The following RNF38 variants were observed in gnomAD, a reference collection of about 807,000 sequenced individuals.
The protein encoded by RNF38 is E3 ubiquitin-protein ligase RNF38.
In RNF38, 15 loss-of-function variants were observed where a neutral mutation model predicts 67.2. The observed-to-expected ratio is 0.22, with a 90% CI of 0.15 to 0.34. RNF38 has a LOEUF of 0.34. RNF38 is among the 10% of genes least tolerant of loss of function. The pLI, the probability that RNF38 is intolerant of heterozygous loss-of-function variation, is 1.00. For missense variants in RNF38, 524 were observed against 639.9 expected, an observed-to-expected ratio of 0.82 and a Z score of 1.95; for synonymous variants, 220 against 218.8, an observed-to-expected ratio of 1.01 and a Z score of -0.05.
At chr9:36,419,543 A>T (rs1838564152) in intron 2 of RNF38, among the ~76,000 whole-genome samples, 1 of 152,248 alleles carries the variant, frequency 6.6e-6, no homozygotes, top group Non-Finnish European at 1.5e-5. Context: ...GAATAGTCTT[A>T]TCAAATTCTT....
intron 1 of RNF38, among the ~76,000 whole-genome samples, chr9:36,449,956 G>A (rs1839396963): frequency 6.6e-6 from 1 of 152,132 alleles, no homozygotes; most frequent in South Asian, 2.1e-4. Context: ...AAAATACATA[G>A]TATTGACAAA....
intron 1 of RNF38, among the ~76,000 whole-genome samples, chr9:36,469,390 T>A (rs902711397): frequency 3.3e-5 from 5 of 152,108 alleles, no homozygotes; most frequent in African/African-American, 1.2e-4. Context: ...CCAGGCACAG[T>A]GGCTCACACC....
intron 1 of RNF38, among the ~76,000 whole-genome samples, chr9:36,464,532 C>CT (rs780088702): frequency 9.3e-5 from 14 of 151,042 alleles, no homozygotes; most frequent in Non-Finnish European, 1.8e-4. Context: ...GATCGCGCCA[C>CT]TGTACTCCAG....
chr9:36,379,886 C>T (rs1326557640), intron 2 of RNF38, among the ~76,000 whole-genome samples: 1 of 152,122 alleles, frequency 6.6e-6, no homozygotes, highest in African/African-American at 2.4e-5. Context: ...TTCATCTGAC[C>T]TTGTCATCTA....
intron 1 of RNF38, among the ~76,000 whole-genome samples, chr9:36,395,697 G>A (rs1837463383): frequency 6.6e-6 from 1 of 152,152 alleles, no homozygotes; most frequent in South Asian, 2.1e-4. Context: ...TATTTAAACT[G>A]ACAAATTATC....
chr9:36,389,137 A>G (rs963452171), intron 2 of RNF38, among the ~76,000 whole-genome samples: 49 of 152,272 alleles, frequency 3.2e-4, no homozygotes, highest in Non-Finnish European at 6.8e-4. Context: ...TTCAAGGAAA[A>G]TAAGGCTTAA....
chr9:36,351,557 A>C (rs764197903), intron 8 of RNF38, among the ~76,000 whole-genome samples: 3 of 152,226 alleles, frequency 2.0e-5, no homozygotes, highest in Non-Finnish European at 4.4e-5. Flanking sequence ...AATGCAAAAG[A>C]CCTTAAACTG....
chr9:36,460,919 GA>G (rs200324319), intron 1 of RNF38, among the ~76,000 whole-genome samples: 2,903 of 135,248 alleles, frequency 0.021, 92 homozygotes, highest in African/African-American at 0.072. Context: ...AAGAAAGAAA[GA>G]AAAAAAAGGA....
intron 1 of RNF38, among the ~76,000 whole-genome samples, chr9:36,469,650 A>C (rs973649965): frequency 6.6e-6 from 1 of 152,034 alleles, no homozygotes; most frequent in African/African-American, 2.4e-5. Context: ...AACAAGAGCA[A>C]AACTCCATCT....
chr9:36,343,047 A>G (rs768195690), intron 10 of RNF38, among the ~76,000 whole-genome samples: 2 of 152,224 alleles, frequency 1.3e-5, no homozygotes, highest in Non-Finnish European at 2.9e-5. Flanking sequence ...AATCATCACT[A>G]TAATACTTAA....
chr9:36,376,508 A>G (rs1835795967), intron 2 of RNF38, among the ~76,000 whole-genome samples: 1 of 152,210 alleles, frequency 6.6e-6, no homozygotes, highest in Non-Finnish European at 1.5e-5. Context: ...ATAAGACATC[A>G]ATTCTCAGCT....
At chr9:36,362,164 CTG>C (rs1319323071) in intron 4 of RNF38, among the ~76,000 whole-genome samples, 1 of 152,122 alleles carries the variant, frequency 6.6e-6, no homozygotes, top group Non-Finnish European at 1.5e-5. Context: ...TGAGACCAGC[CTG>C]GTCAACACAG....
chr9:36,431,474 CTT>C (rs1838933988), intron 1 of RNF38, among the ~76,000 whole-genome samples: 1 of 152,202 alleles, frequency 6.6e-6, no homozygotes, highest in Non-Finnish European at 1.5e-5. Context: ...CATAGTCCCT[CTT>C]TGACAAAAAC....
intron 2 of RNF38, among the ~76,000 whole-genome samples, chr9:36,420,431 C>G (rs759047266): frequency 3.3e-4 from 50 of 150,060 alleles, no homozygotes; most frequent in Non-Finnish European, 6.2e-4. Context: ...ACTAGGGAGG[C>G]TGAGGCAGGA....
In RNF38 at chr9:36,427,702, T is replaced by C. The variant is rs549538187; in HGVS notation, n.242-3019A>G. Among the ~76,000 whole-genome samples, 715 of 139,474 alleles carry C rather than the reference T, an allele frequency of 5.1e-3. 1 individual carries two copies. The highest frequency in any genetic ancestry group is 6.1e-3 in the Non-Finnish European group (407 of 66,848). The allele number at this position is 139,474 out of a possible 152,430, so 91.5% of individuals were successfully genotyped here. On this transcript the variant is annotated intron_variant and non_coding_transcript_variant, in intron 1 of 3. Coordinates refer to the RNF38 transcript ENST00000488058. Reference sequence around the variant, plus strand: ...ATCTATCTATCTATCTATCTATCTATCTACCTACCTATCTATTAATTTATT... The same window carrying C: ...ATCTATCTATCTATCTATCTATCTACCTACCTACCTATCTATTAATTTATT...
upstream of RNF38, among the ~76,000 whole-genome samples, chr9:36,404,028 C>T (rs1437720048): frequency 6.6e-6 from 1 of 152,190 alleles, no homozygotes; most frequent in Non-Finnish European, 1.5e-5. Context: ...TATTTCCCTT[C>T]ACATGGGTCA....
chr9:36,435,544 A>C (rs1334394683), intron 1 of RNF38, among the ~76,000 whole-genome samples: 1 of 152,200 alleles, frequency 6.6e-6, no homozygotes, highest in Non-Finnish European at 1.5e-5. Flanking sequence ...ACTGAATTTG[A>C]AAAAACAATA....
chr9:36,392,217 T>C (rs1163901907), intron 1 of RNF38, among the ~76,000 whole-genome samples: 2 of 152,244 alleles, frequency 1.3e-5, no homozygotes, highest in African/African-American at 4.8e-5. Flanking sequence ...AACAGATAAC[T>C]GTGCCCACTG....
intron 1 of RNF38, among the ~76,000 whole-genome samples, chr9:36,432,412 C>T (rs1195082999): frequency 6.6e-6 from 1 of 151,906 alleles, no homozygotes; most frequent in Non-Finnish European, 1.5e-5. Flanking sequence ...GGATTACAGG[C>T]GTTAAGCCAC....
Sources: allele counts gnomAD v4.1 joint callset (sites outside exome capture counted in the v4.1 genomes callset), GRCh38; gene constraint gnomAD v4.1.1; transcripts MANE v1.5; gene names NCBI Gene and HGNC (gene_info 2026-07-23, HGNC 2026-07-21).